ABI3BP: variants seen among roughly 807,000 people sequenced by gnomAD.
The protein encoded by ABI3BP is ABI family member 3 binding protein, also known as target of Nesh-SH3.
A neutral mutation model predicts 268.6 loss-of-function variants in ABI3BP; 216 were observed. The observed-to-expected ratio is 0.80, with a 90% CI of 0.72 to 0.90. ABI3BP has a LOEUF of 0.90. ABI3BP is among the 40% of genes least tolerant of loss of function. The pLI, the probability that ABI3BP is intolerant of heterozygous loss-of-function variation, is 0.00. For synonymous variants in ABI3BP, 730 were observed against 730.0 expected (o/e 1.00, Z 0.00); for missense variants, 2,090 against 2,182.4 (o/e 0.96, Z 0.84).
At chr3:100,855,494 T>C (rs2098929420) in intron 14 of ABI3BP, among the ~76,000 whole-genome samples, 1 of 152,256 alleles carries the variant, frequency 6.6e-6, no homozygotes, top group Non-Finnish European at 1.5e-5. Flanking sequence ...TTATCACGAC[T>C]TACTTAATCC....
At chr3:100,886,558 A>G (rs185017998) in intron 4 of ABI3BP, among the ~76,000 whole-genome samples, 122 of 152,120 alleles carry the variant, frequency 8.0e-4, no homozygotes, top group African/African-American at 2.3e-3. Flanking sequence ...TTTTGGCCCA[A>G]TGGAATTCCA....
At chr3:100,863,314 C>T (rs1321901808) in intron 12 of ABI3BP, 1 of 159,720 alleles carries the variant, frequency 6.3e-6, no homozygotes, top group African/African-American at 2.4e-5. Context: ...AAGCTCCTCC[C>T]CCAACCTCTT....
intron 14 of ABI3BP, among the ~76,000 whole-genome samples, 173 bp downstream of exon 14, chr3:100,862,138 C>T: frequency 6.6e-6 from 1 of 152,144 alleles, no homozygotes; most frequent in Non-Finnish European, 1.5e-5. Flanking sequence ...CATTCAAAAC[C>T]ATTTTGCTTT....
chr3:100,903,481 C>CA lies in ABI3BP; in HGVS notation c.260-796dup, dbSNP rs765125716. Among the ~76,000 whole-genome samples the CA allele has an allele frequency of 2.6e-5, 4 of 152,176 alleles. No individual in the cohort carries two copies. The South Asian group carries it at 8.3e-4, about 32-fold the overall frequency. On this transcript the variant is annotated intron_variant, in intron 2 of 67. Transcript: ENST00000471714. ...GGCATATGAAATAGCATTTTATAAG[C>CA]AACTCTACTGGATTAATGGATTGAT...
chr3:100,834,053 C>G lies in ABI3BP; in HGVS notation c.2281+631G>C, dbSNP rs1220797008. On this transcript the variant is annotated intron_variant, in intron 29 of 67. Transcript: ENST00000471714. ...GGGTGCAATTGTAGCTCACTGCAGT[C>G]TCGACTTCCTGGGCTCAAGCGATCC... Among the ~76,000 whole-genome samples the G allele has an allele frequency of 2.0e-5, 3 of 152,126 alleles. No homozygotes were observed. The East Asian group carries it at 5.8e-4, about 29-fold the overall frequency.
chr3:100,874,124 G>C (rs1010327773), intron 9 of ABI3BP, among the ~76,000 whole-genome samples: 1 of 152,018 alleles, frequency 6.6e-6, no homozygotes, highest in South Asian at 2.1e-4. Flanking sequence ...CTGGAAACTT[G>C]TCAGAAATGC....
At chr3:100,803,333 T>C (rs1472666401) in intron 51 of ABI3BP, among the ~76,000 whole-genome samples, 1 of 145,374 alleles carries the variant, frequency 6.9e-6, no homozygotes, top group African/African-American at 2.4e-5. Flanking sequence ...TTTTTTTTTT[T>C]TTCTGCCAAA....
intron 14 of ABI3BP, among the ~76,000 whole-genome samples, chr3:100,861,870 T>C (rs989726034): frequency 1.3e-5 from 2 of 152,224 alleles, no homozygotes; most frequent in African/African-American, 2.4e-5. Context: ...CTTACAAATT[T>C]TAGAACTTAC....
chr3:100,938,272 C>A (rs2067176730), intron 1 of ABI3BP, among the ~76,000 whole-genome samples: 1 of 150,112 alleles, frequency 6.7e-6, no homozygotes, highest in Non-Finnish European at 1.5e-5. Context: ...TATAACAAAC[C>A]TGCACATGTA....
At chr3:100,816,644 G>C in intron 43 of ABI3BP, 44 bp downstream of exon 43, 3 of 1,456,110 alleles carry the variant, frequency 2.1e-6, no homozygotes, top group Non-Finnish European at 2.8e-6. Flanking sequence ...GCCTGCCAGG[G>C]TTCAGGTTCC....
At chr3:100,898,674 A>T in intron 4 of ABI3BP, 88 bp downstream of exon 4, 1 of 1,423,908 alleles carries the variant, frequency 7.0e-7, no homozygotes, top group Non-Finnish European at 9.5e-7. Context: ...TACAGCTAAG[A>T]GGTGTTAAGT....
At chr3:100,935,278 A>G (rs2065550361) in intron 1 of ABI3BP, among the ~76,000 whole-genome samples, 5 of 152,172 alleles carry the variant, frequency 3.3e-5, no homozygotes, top group Admixed American at 3.3e-4. Flanking sequence ...GTCAAAGATC[A>G]GATGGTTGTA....
intron 6 of ABI3BP, among the ~76,000 whole-genome samples, chr3:100,881,570 G>A (rs756477168): frequency 6.6e-6 from 1 of 151,738 alleles, no homozygotes; most frequent in Non-Finnish European, 1.5e-5. Context: ...TATAGAAAAT[G>A]TATGAAAATA....
intron 4 of ABI3BP, among the ~76,000 whole-genome samples, chr3:100,894,344 C>T (rs550717043): frequency 1.3e-5 from 2 of 152,174 alleles, no homozygotes; most frequent in Admixed American, 6.5e-5. Flanking sequence ...GTAATGGTAA[C>T]ACATAAAAGT....
chr3:100,840,549 T>C (rs1177969471), intron 22 of ABI3BP, among the ~76,000 whole-genome samples: 1 of 152,208 alleles, frequency 6.6e-6, no homozygotes, highest in Non-Finnish European at 1.5e-5. Flanking sequence ...AGATAAATTT[T>C]TCACTTAGCA....
chr3:100,916,047 G>C (rs990475856), intron 2 of ABI3BP, among the ~76,000 whole-genome samples: 3 of 152,160 alleles, frequency 2.0e-5, no homozygotes, highest in African/African-American at 4.8e-5. Context: ...CCTTGCCCGT[G>C]TTTTATATGT....
Position 100,986,198 on chromosome 3 carries a change from A to G in ABI3BP, c.79+7108T>C, listed in dbSNP as rs549127708. On this transcript the variant is annotated intron_variant, in intron 1 of 67. Transcript: ENST00000471714. ...AGCAACCTCAGGCCAATAGCCAGTG[A>G]GAAAATGAGGCCCTTTGACCAATGA... 2.7e-4 allele frequency among the ~76,000 whole-genome samples: 41 copies of G among 152,380 alleles called. No individual in the cohort carries two copies. In the East Asian group the frequency reaches 7.7e-3, roughly 29 times the overall value.
At chr3:100,907,776 TAATA>T (rs200601193) in intron 2 of ABI3BP, among the ~76,000 whole-genome samples, 3,632 of 152,010 alleles carry the variant, frequency 0.024, 143 homozygotes, top group African/African-American at 0.083. Flanking sequence ...CATAATACAA[TAATA>T]AATTATTACC....
intron 2 of ABI3BP, among the ~76,000 whole-genome samples, chr3:100,919,444 G>A (rs765747766): frequency 3.3e-5 from 5 of 152,088 alleles, no homozygotes; most frequent in Non-Finnish European, 7.4e-5. Flanking sequence ...TCCTCTTGCC[G>A]TCTATACCAA....
Sources: allele counts gnomAD v4.1 joint callset (sites outside exome capture counted in the v4.1 genomes callset), GRCh38; gene constraint gnomAD v4.1.1; transcripts MANE v1.5; gene names NCBI Gene and HGNC (gene_info 2026-07-23, HGNC 2026-07-21).